KLHL29: variants seen among roughly 807,000 people sequenced by gnomAD.
The protein encoded by KLHL29 is kelch like family member 29.
A neutral mutation model predicts 80.4 loss-of-function variants in KLHL29; 21 were observed. That is an observed-to-expected ratio of 0.26 (90% CI 0.19 to 0.38). KLHL29 has a LOEUF of 0.38. KLHL29 is among the 10% of genes least tolerant of loss of function. The pLI is 1.00. For synonymous variants in KLHL29, 511 were observed against 526.8 expected, an observed-to-expected ratio of 0.97 and a Z score of 0.41; for missense variants, 867 against 1,223.9, an observed-to-expected ratio of 0.71 and a Z score of 4.35.
At chr2:23,594,618 T>C (rs1668352235) in intron 3 of KLHL29, among the ~76,000 whole-genome samples, 1 of 152,174 alleles carries the variant, frequency 6.6e-6, no homozygotes, top group African/African-American at 2.4e-5. Flanking sequence ...CCATGAGGAA[T>C]TGGTGAAACA....
intron 5 of KLHL29, among the ~76,000 whole-genome samples, chr2:23,662,730 C>G (rs958601081): frequency 2.0e-5 from 3 of 152,204 alleles, no homozygotes; most frequent in African/African-American, 7.2e-5. Context: ...CGAGCCACCT[C>G]TCCCCAGCCT....
chr2:23,613,763 C>CAAAAAAAAAAAAAAAAAAAA (rs1157736706), intron 3 of KLHL29, among the ~76,000 whole-genome samples: 2 of 63,718 alleles, frequency 3.1e-5, no homozygotes, highest in African/African-American at 1.8e-4. Context: ...GACTCCATCT[C>CAAAAAAAAAAAAAAAAAAAA]AAAAAAAAAA....
At chr2:23,628,800 G>A (rs533092229) in intron 3 of KLHL29, among the ~76,000 whole-genome samples, 1 of 152,256 alleles carries the variant, frequency 6.6e-6, no homozygotes, top group African/African-American at 2.4e-5. Flanking sequence ...GCTTCACTAC[G>A]GATTTCAAAT....
At chr2:23,435,813 G>GT (rs1443998446) in intron 1 of KLHL29, among the ~76,000 whole-genome samples, 1 of 151,608 alleles carries the variant, frequency 6.6e-6, no homozygotes, top group Non-Finnish European at 1.5e-5. Context: ...CTGGTGAGGT[G>GT]TTTGGAACCC....
chr2:23,695,545 C>T lies in KLHL29; in HGVS notation c.1543-78C>T. 1.0e-6 allele frequency: 1 copy of T among 975,456 alleles called. No homozygotes were observed. Among genetic ancestry groups the T allele is most frequent in the Non-Finnish European group, 1.5e-6 (1 of 661,538 alleles). The allele number at this position is 975,456 out of a possible 1,614,324, so 60.4% of individuals were successfully genotyped here. On this transcript the variant is annotated intron_variant, in intron 8 of 13. Transcript: ENST00000486442. This position sits in a 1 kb window ranked among gnomAD's most constrained non-coding sequence, Gnocchi z 7.6. ...CCTGGAATTATCCATTCTTGTGCAGCCCCACACCATTTCTTTCCGTCCGGG... is the reference window on the plus strand; with the variant it reads ...CCTGGAATTATCCATTCTTGTGCAGTCCCACACCATTTCTTTCCGTCCGGG...
chr2:23,694,534 C>T (rs1031905333), intron 8 of KLHL29, among the ~76,000 whole-genome samples: 1 of 152,178 alleles, frequency 6.6e-6, no homozygotes, highest in Non-Finnish European at 1.5e-5. Flanking sequence ...GTTGCCTCGT[C>T]GACTCCACAG....
intron 1 of KLHL29, among the ~76,000 whole-genome samples, chr2:23,424,247 A>C (rs540029091): frequency 6.6e-6 from 1 of 152,172 alleles, no homozygotes; most frequent in African/African-American, 2.4e-5. Context: ...AGTTTCCCCT[A>C]ATATGGAACT....
At chr2:23,568,180 C>T (rs564226300) in intron 3 of KLHL29, among the ~76,000 whole-genome samples, 77 of 152,132 alleles carry the variant, frequency 5.1e-4, no homozygotes, top group African/African-American at 1.8e-3. Flanking sequence ...TTGTAAGAGA[C>T]GAGCCTTAGT....
chr2:23,564,376 G>A (rs1203944563), intron 3 of KLHL29, among the ~76,000 whole-genome samples: 4 of 152,202 alleles, frequency 2.6e-5, no homozygotes, highest in African/African-American at 9.6e-5. Flanking sequence ...GGGCAGGGTG[G>A]CCAGGAGGGG....
chr2:23,446,176 A>G (rs1309997933), intron 1 of KLHL29, among the ~76,000 whole-genome samples: 1 of 148,390 alleles, frequency 6.7e-6, no homozygotes, highest in African/African-American at 2.5e-5. Context: ...GAACTTCATT[A>G]TTTAGTTAGC....
chr2:23,542,870 A>G lies in KLHL29; in HGVS notation c.-45-19282A>G, dbSNP rs142324993. On this transcript the variant is annotated intron_variant, in intron 2 of 13. Transcript: ENST00000486442. ...TTACCACTCAGGCAGCTCCTGCTGC[A>G]TTGGATCCAGGCTCTTTGTGACCTT... Among the ~76,000 whole-genome samples, 344 of 152,342 alleles carry G rather than the reference A, an allele frequency of 2.3e-3. 1 individual carries two copies. Among genetic ancestry groups the G allele is most frequent in the African/African-American group, 8.1e-3 (335 of 41,590 alleles).
Position 23,696,461 on chromosome 2 carries a change from A to G in KLHL29, c.2053A>G (p.Ile685Val). Residue 685 changes from isoleucine (I) to valine (V), a missense_variant, in exon 11 of 14, where the codon ATT (isoleucine) becomes GTT (valine). This residue lies in a region of KLHL29 where 443 missense variants were observed against 767.0 expected (regional missense o/e 0.58). Coordinates refer to ENST00000486442, the MANE Select transcript of KLHL29 (RefSeq NM_052920.2). The surrounding 1 kb of genome is among the most constrained non-coding windows in gnomAD (Gnocchi z 5.5). ...RHNSLVYDGK[I>V]YTLGGLGVAG... ...CAATAGCCTCGTCTACGATGGGAAG[A>G]TTTACACCCTCGGGGGACTTGGCGT... 1 of 1,549,890 alleles carries G rather than the reference A, an allele frequency of 6.5e-7. No homozygotes were observed. The highest frequency in any genetic ancestry group is 8.7e-7 in the Non-Finnish European group (1 of 1,146,254).
At chr2:23,526,192 T>C (rs1209812834) in intron 2 of KLHL29, among the ~76,000 whole-genome samples, 3 of 151,910 alleles carry the variant, frequency 2.0e-5, no homozygotes, top group Admixed American at 2.0e-4. Context: ...CTGCATGGAG[T>C]GTGCAGTCTG....
chr2:23,591,207 G>A (rs1463409254), intron 3 of KLHL29, among the ~76,000 whole-genome samples: 3 of 152,198 alleles, frequency 2.0e-5, no homozygotes, highest in South Asian at 2.1e-4. Context: ...AAGGAGCAAC[G>A]GCCCTGAGGG....
intron 3 of KLHL29, chr2:23,618,119 C>T (rs572396905): frequency 8.5e-5 from 13 of 152,196 alleles, no homozygotes; most frequent in African/African-American, 2.6e-4. Flanking sequence ...GGAAAAGTTC[C>T]GTCATCATGG....
chr2:23,591,998 A>T (rs1476149730), intron 3 of KLHL29, among the ~76,000 whole-genome samples: 2 of 152,252 alleles, frequency 1.3e-5, no homozygotes, highest in Admixed American at 1.3e-4. Context: ...TAGGACTGCC[A>T]AACAGGCATC....
intron 1 of KLHL29, among the ~76,000 whole-genome samples, chr2:23,413,914 G>A (rs1666924043): frequency 6.6e-6 from 1 of 152,136 alleles, no homozygotes; most frequent in South Asian, 2.1e-4. Flanking sequence ...GAGTGACCCG[G>A]GGTTGTCTTT....
At chr2:23,618,329 A>G (rs1339036541) in intron 3 of KLHL29, among the ~76,000 whole-genome samples, 9 of 152,174 alleles carry the variant, frequency 5.9e-5, no homozygotes, top group Non-Finnish European at 1.0e-4. Flanking sequence ...TTTGGGCCAA[A>G]GATGATCCTG....
intron 5 of KLHL29, among the ~76,000 whole-genome samples, chr2:23,666,647 G>A (rs1375760202): frequency 2.0e-5 from 3 of 152,240 alleles, no homozygotes; most frequent in African/African-American, 7.2e-5. Context: ...TGTGCATGGG[G>A]CACTCACCTC....
Sources: gnomAD v4.1 joint callset for allele counts (sites outside exome capture counted in the v4.1 genomes callset) on GRCh38, gnomAD v4.1.1 for gene constraint, gnomAD v4.1.1 regional missense constraint, Gnocchi (gnomAD v3.1) non-coding constraint, MANE v1.5 for transcripts, NCBI Gene and HGNC (gene_info 2026-07-23, HGNC 2026-07-21) for gene names.